Variants in ARHGEF28 observed in about 807,000 individuals in gnomAD.
ARHGEF28 encodes Rho guanine nucleotide exchange factor 28.
Under a neutral mutation model 206.6 loss-of-function variants are expected in ARHGEF28, and 152 were observed. That is an observed-to-expected ratio of 0.74 (90% CI 0.64 to 0.84). The LOEUF is 0.84. ARHGEF28 is among the 40% of genes least tolerant of loss of function. The pLI is 0.00. For missense variants in ARHGEF28, 2,028 were observed against 2,073.2 expected, an observed-to-expected ratio of 0.98 and a Z score of 0.42; for synonymous variants, 763 against 776.4, an observed-to-expected ratio of 0.98 and a Z score of 0.29.
intron 35 of ARHGEF28, among the ~76,000 whole-genome samples, chr5:73,918,265 A>T (rs1031395697): frequency 1.3e-5 from 2 of 152,204 alleles, no homozygotes; most frequent in African/African-American, 2.4e-5. Flanking sequence ...CTGTCATTGT[A>T]GCTTGCAAAG....
chr5:73,866,506 T>G (rs1268288837), intron 18 of ARHGEF28, among the ~76,000 whole-genome samples: 6 of 152,262 alleles, frequency 3.9e-5, no homozygotes, highest in African/African-American at 1.4e-4. Flanking sequence ...TAGATTCTTA[T>G]CAGTTTCTGT....
At chr5:73,851,403 C>A (rs1419983878) in intron 13 of ARHGEF28, among the ~76,000 whole-genome samples, 1 of 143,968 alleles carries the variant, frequency 6.9e-6, no homozygotes, top group Non-Finnish European at 1.5e-5. Flanking sequence ...ATTTCTCATG[C>A]GTCTTTTTTT....
Position 73,832,342 on chromosome 5 carries a change from C to T in ARHGEF28, c.1029C>T (p.Arg343=), listed in dbSNP as rs1207445436. ...GTTTTCATTTTTGTACTCTAGATCG[C>T]TCCTTCGATATCCTAAAAAAATCCA... ...HEDQHSLDLD[R]SFDILKKSKP... The change falls in exon 10 of 36, where the codon CGC becomes CGT. Residue 343 remains arginine, a synonymous_variant. Transcript: ENST00000513042. 1.2e-6 allele frequency: 2 copies of T among 1,612,624 alleles called. No individual in the cohort carries two copies. Among genetic ancestry groups the T allele is most frequent in the African/African-American group, 1.3e-5 (1 of 74,902 alleles).
At chr5:73,744,608 A>C (rs1041983955) in intron 2 of ARHGEF28, among the ~76,000 whole-genome samples, 4 of 151,988 alleles carry the variant, frequency 2.6e-5, no homozygotes, top group African/African-American at 9.7e-5. Context: ...TTGATAGTTC[A>C]CTTAGCACTG....
chr5:73,652,818 C>CA (rs890448864), intron 1 of ARHGEF28, among the ~76,000 whole-genome samples: 1 of 152,136 alleles, frequency 6.6e-6, no homozygotes, highest in African/African-American at 2.4e-5. Flanking sequence ...ACTGAGCTTT[C>CA]AAGTGGTTGA....
chr5:73,866,040 C>G, intron 18 of ARHGEF28, 27 bp downstream of exon 18: 10 of 1,559,054 alleles, frequency 6.4e-6, no homozygotes, highest in Non-Finnish European at 8.7e-6. Context: ...ACGACAAGAA[C>G]TTTTAAAAAT....
At chr5:73,664,706 A>G (rs900098854) in intron 1 of ARHGEF28, among the ~76,000 whole-genome samples, 1 of 152,166 alleles carries the variant, frequency 6.6e-6, no homozygotes, top group Non-Finnish European at 1.5e-5. Flanking sequence ...TTCGAAAATA[A>G]GTAATTTTGG....
chr5:73,869,398 G>A (rs79522767), intron 20 of ARHGEF28, among the ~76,000 whole-genome samples: 6,233 of 152,226 alleles, frequency 0.041, 143 homozygotes, highest in South Asian at 0.075. Flanking sequence ...ACAAAATAAC[G>A]CGGGGCAGAA....
At chr5:73,907,451 T>C (rs1762620734) in intron 33 of ARHGEF28, among the ~76,000 whole-genome samples, 1 of 152,234 alleles carries the variant, frequency 6.6e-6, no homozygotes, top group Non-Finnish European at 1.5e-5. Flanking sequence ...TCCAAGGCCA[T>C]GGGCTTTGAA....
intron 2 of ARHGEF28, among the ~76,000 whole-genome samples, chr5:73,730,218 A>G (rs1750524736): frequency 6.6e-6 from 1 of 152,208 alleles, no homozygotes; most frequent in African/African-American, 2.4e-5. Context: ...CCTCAAATGT[A>G]GAGTTTTTTA....
intron 7 of ARHGEF28, among the ~76,000 whole-genome samples, chr5:73,784,515 G>A (rs1754038413): frequency 6.6e-6 from 1 of 152,004 alleles, no homozygotes; most frequent in South Asian, 2.1e-4. Flanking sequence ...TTTTCCCCTT[G>A]CCTTCTTATC....
chr5:73,941,139 C>T lies in ARHGEF28; in HGVS notation c.*126C>T, dbSNP rs1742591995. ...GCTTTAAGAATAATATTTAATATTT[C>T]CTGGAAGCTCATTTTTTTGGCATGA... On this transcript the variant is annotated 3_prime_UTR_variant, in exon 36 of 36. Coordinates refer to ENST00000513042, the MANE Select transcript of ARHGEF28 (RefSeq NM_001177693.2). 2 of 976,796 alleles carry T rather than the reference C, an allele frequency of 2.0e-6. No homozygotes were observed. The highest frequency in any genetic ancestry group is 2.7e-6 in the Non-Finnish European group (2 of 745,078). The allele number at this position is 976,796 out of a possible 1,614,324, so 60.5% of individuals were successfully genotyped here.
At chr5:73,824,642 A>G (rs912013498) in intron 9 of ARHGEF28, among the ~76,000 whole-genome samples, 2 of 151,988 alleles carry the variant, frequency 1.3e-5, no homozygotes, top group African/African-American at 2.4e-5. Flanking sequence ...TAATTTTTGT[A>G]CTTTTAATAG....
At chr5:73,880,462 C>A (rs994590270) in intron 22 of ARHGEF28, among the ~76,000 whole-genome samples, 2 of 152,192 alleles carry the variant, frequency 1.3e-5, no homozygotes, top group Non-Finnish European at 2.9e-5. Context: ...CTGGCACTCC[C>A]TAGTGAGATG....
chr5:73,892,170 AC>A lies in ARHGEF28; in HGVS notation c.3507del (p.His1169GlnfsTer12). The A allele has an allele frequency of 6.3e-7, 1 of 1,581,252 alleles. No homozygotes were observed. Among genetic ancestry groups the A allele is most frequent in the Non-Finnish European group, 8.6e-7 (1 of 1,161,920 alleles). ...GCTGGTCCTGAGATGTATGAAATTC[AC>A]ACCAATTCCAAGGAGGAACGCAATA... is the stretch of plus-strand genomic sequence containing the variant. Reference protein sequence around the residue: ...SSAGPEMYEIHTNSKEERNNW... With the variant: ...SSAGPEMYEIXTNSKEERNNW... On this transcript the variant is annotated frameshift_variant, in exon 27 of 36. Coordinates refer to ENST00000513042, the MANE Select transcript of ARHGEF28 (RefSeq NM_001177693.2). LOFTEE classifies it high-confidence loss of function.
chr5:73,783,304 G>T (rs1034642264), intron 7 of ARHGEF28, among the ~76,000 whole-genome samples: 2 of 151,634 alleles, frequency 1.3e-5, no homozygotes, highest in Non-Finnish European at 2.9e-5. Context: ...GCCAAATGAC[G>T]TACTGGGGAA....
At chr5:73,938,660 A>C (rs558565019) in intron 35 of ARHGEF28, among the ~76,000 whole-genome samples, 4 of 152,308 alleles carry the variant, frequency 2.6e-5, no homozygotes, top group African/African-American at 9.6e-5. Flanking sequence ...AAACATCAGC[A>C]ATTTAGCTGT....
At chr5:73,645,399 T>A (rs1170618718) in intron 1 of ARHGEF28, among the ~76,000 whole-genome samples, 1 of 152,208 alleles carries the variant, frequency 6.6e-6, no homozygotes, top group Admixed American at 6.5e-5. Flanking sequence ...TCAGAAATGA[T>A]GAAATTTCTT....
At position 73,904,365 on chromosome 5, in the gene ARHGEF28, A is replaced by C; in HGVS notation, c.4121A>C (p.Gln1374Pro). 6.2e-7 allele frequency: 1 copy of C among 1,613,264 alleles called. No individual in the cohort carries two copies. Among genetic ancestry groups the C allele is most frequent in the Non-Finnish European group, 8.5e-7 (1 of 1,179,546 alleles). ...FPGSSQSEII[Q>P]AIQNLTRLLY... ...TACAATTTTGTTTTTCAGATTATAC[A>C]AGCCATACAGAATTTAACCCGTCTC... Residue 1374 changes from glutamine (Q) to proline (P), a missense_variant, in exon 33 of 36, where the codon CAA (glutamine) becomes CCA (proline). By Grantham distance (76) the Gln-to-Pro change is moderately conservative. Coordinates refer to ENST00000513042, the MANE Select transcript of ARHGEF28 (RefSeq NM_001177693.2).
Sources: gnomAD v4.1 joint callset for allele counts (sites outside exome capture counted in the v4.1 genomes callset) on GRCh38, gnomAD v4.1.1 for gene constraint, MANE v1.5 for transcripts, NCBI Gene and HGNC (gene_info 2026-07-23, HGNC 2026-07-21) for gene names.